Variants in MILR1 observed in about 807,000 individuals in gnomAD.
MILR1 encodes the protein mast cell immunoglobulin like receptor 1, also known as allergin-1.
Under a neutral mutation model 18.5 loss-of-function variants are expected in MILR1, and 31 were observed. The ratio of observed to expected loss-of-function variants is 1.68; its 90% confidence interval spans 1.26 to 2.26. The LOEUF (loss-of-function observed/expected upper bound fraction) is 2.26. MILR1 is among the 30% of genes most tolerant of loss of function. The pLI, the probability that MILR1 is intolerant of heterozygous loss-of-function variation, is 0.00. For missense variants in MILR1, 257 were observed against 157.4 expected, an observed-to-expected ratio of 1.63 and a Z score of -3.38; for synonymous variants, 85 against 56.2, an observed-to-expected ratio of 1.51 and a Z score of -2.30.
At chr17:64,473,893 G>T in the MILR1 span, among the ~76,000 whole-genome samples, 1 of 152,082 alleles carries the variant, frequency 6.6e-6, no homozygotes, top group East Asian at 1.9e-4. Context: ...TTGCCTTTGT[G>T]GAGATGGTTA....
At chr17:64,494,749 T>A in the MILR1 span, among the ~76,000 whole-genome samples, 1 of 152,164 alleles carries the variant, frequency 6.6e-6, no homozygotes, top group Non-Finnish European at 1.5e-5. Context: ...GTGACCTTTT[T>A]ATATGACCCA....
At chr17:64,482,560 C>T in the MILR1 span, among the ~76,000 whole-genome samples, 90 of 152,304 alleles carry the variant, frequency 5.9e-4, no homozygotes, top group Non-Finnish European at 8.5e-4. Flanking sequence ...CCTCGTGATC[C>T]ACCCGCTTTG....
At chr17:64,475,108 C>T in the MILR1 span, among the ~76,000 whole-genome samples, 1 of 151,276 alleles carries the variant, frequency 6.6e-6, no homozygotes, top group African/African-American at 2.4e-5. Flanking sequence ...GAGGCTTTAA[C>T]CCGGGAGGCA....
At chr17:64,476,855 A>G in the MILR1 span, among the ~76,000 whole-genome samples, 73 of 151,966 alleles carry the variant, frequency 4.8e-4, no homozygotes, top group Non-Finnish European at 8.5e-4. Flanking sequence ...TAAAAAAAAA[A>G]AGAGAAAAAC....
chr17:64,473,741 A>T, the MILR1 span, among the ~76,000 whole-genome samples: 1 of 152,244 alleles, frequency 6.6e-6, no homozygotes, highest in Admixed American at 6.5e-5. Context: ...AAAAATTATT[A>T]AAAGCAATTG....
chr17:64,455,405 G>T (rs2037268890), intron 3 of MILR1, among the ~76,000 whole-genome samples: 1 of 151,998 alleles, frequency 6.6e-6, no homozygotes, highest in South Asian at 2.1e-4. Flanking sequence ...AGTAAGGGTT[G>T]AAACTATGAG....
At chr17:64,466,344 C>A in intron 6 of MILR1, 98 bp from the exon 7 acceptor site, 1 of 978,912 alleles carries the variant, frequency 1.0e-6, no homozygotes, top group Non-Finnish European at 1.6e-6. Context: ...CAGTCCCAGC[C>A]TACATGGCCA....
chr17:64,491,809 C>T, the MILR1 span: 2 of 493,078 alleles, frequency 4.1e-6, no homozygotes, highest in Non-Finnish European at 7.5e-6. Flanking sequence ...GCTCTGCACT[C>T]CCCCAGCAAC....
chr17:64,476,811 G>T, the MILR1 span, among the ~76,000 whole-genome samples: 1 of 150,960 alleles, frequency 6.6e-6, no homozygotes, highest in South Asian at 2.1e-4. Flanking sequence ...AACATAGTGA[G>T]ACCCTGTCTC....
At chr17:64,482,938 G>A in the MILR1 span, 8 of 1,594,264 alleles carry the variant, frequency 5.0e-6, no homozygotes, top group Middle Eastern at 3.3e-4. Flanking sequence ...TTCCAATGTG[G>A]GGCCTCTTCC....
chr17:64,466,126 C>T (rs2037553651), intron 6 of MILR1, among the ~76,000 whole-genome samples: 1 of 152,094 alleles, frequency 6.6e-6, no homozygotes, highest in Non-Finnish European at 1.5e-5. Flanking sequence ...AGAATGAGAG[C>T]CAAGGGAAGG....
intron 3 of MILR1, among the ~76,000 whole-genome samples, chr17:64,453,961 G>A (rs985287914): frequency 4.6e-5 from 7 of 151,260 alleles, no homozygotes; most frequent in South Asian, 2.1e-4. Context: ...ATGGAGTCTC[G>A]CCCTGTCACC....
the MILR1 span, chr17:64,477,667 C>A: frequency 1.1e-6 from 1 of 882,800 alleles, no homozygotes; most frequent in Non-Finnish European, 1.6e-6. Context: ...GAACATATTC[C>A]TGATACAATG....
intron 5 of MILR1, 89 bp downstream of exon 5, chr17:64,461,021 G>A (rs1477127104): frequency 4.4e-6 from 2 of 450,708 alleles, no homozygotes; most frequent in South Asian, 7.3e-5. Flanking sequence ...AGAGAAAAGG[G>A]GATTGGAAAT....
chr17:64,491,754 G>A, the MILR1 span: 1 of 724,140 alleles, frequency 1.4e-6, no homozygotes, highest in East Asian at 3.0e-5. Context: ...TTCCTACAAG[G>A]AGCTCAAGCA....
At chr17:64,483,769 G>A in the MILR1 span, among the ~76,000 whole-genome samples, 1 of 148,988 alleles carries the variant, frequency 6.7e-6, no homozygotes, top group East Asian at 2.0e-4. Flanking sequence ...AGGCTAGAAT[G>A]CTCCACTCAC....
chr17:64,466,403 C>T (rs781900254), intron 6 of MILR1, 39 bp from the exon 7 acceptor site: 36 of 1,588,234 alleles, frequency 2.3e-5, no homozygotes, highest in South Asian at 1.7e-4. Context: ...CTAACACAAA[C>T]GCCACCAACC....
At chr17:64,470,128 C>T (rs1555664319), downstream of MILR1, among the ~76,000 whole-genome samples, 4 of 152,190 alleles carry the variant, frequency 2.6e-5, no homozygotes, top group African/African-American at 7.2e-5. Context: ...GAGTCTCTCT[C>T]TGTTGCCCAG....
the MILR1 span, among the ~76,000 whole-genome samples, chr17:64,483,332 G>A: frequency 2.4e-3 from 357 of 151,778 alleles, 1 homozygote; most frequent in African/African-American, 8.3e-3. Context: ...TGGGCAACAC[G>A]GTGAAAACTT....
Sources: allele counts gnomAD v4.1 joint callset (sites outside exome capture counted in the v4.1 genomes callset), GRCh38; gene constraint gnomAD v4.1.1; transcripts MANE v1.5; gene names NCBI Gene and HGNC (gene_info 2026-07-23, HGNC 2026-07-21).